The following CACNA1G variants were observed in gnomAD, a reference collection of about 807,000 sequenced individuals.
CACNA1G encodes voltage-dependent T-type calcium channel subunit alpha-1G.
A neutral mutation model predicts 219.4 loss-of-function variants in CACNA1G; 67 were observed. The observed-to-expected ratio is 0.31, with a 90% CI of 0.25 to 0.37. The LOEUF (loss-of-function observed/expected upper bound fraction) is 0.37. Among genes scored for constraint, CACNA1G ranks in the 10% least tolerant of loss-of-function variants. The pLI is 1.00. For synonymous variants in CACNA1G, 1,296 were observed against 1,345.3 expected (o/e 0.96, Z 0.80); for missense variants, 2,380 against 3,231.4 (o/e 0.74, Z 6.39).
In CACNA1G at chr17:50,623,817, G is replaced by A. The variant is rs983206159; in HGVS notation, c.6061-90G>A. 4.2e-5 allele frequency: 57 copies of A among 1,365,938 alleles called. No homozygotes were observed. In the Admixed American group the frequency reaches 9.7e-4, roughly 23 times the overall value. 84.6% of individuals were successfully genotyped at this position (1,365,938 alleles called of 1,614,324 possible). The stretch of plus-strand genomic sequence containing the variant: ...CACGGGGGTGAGGGCTGGGCGGGGG[G>A]CGCTGCTGCTTTCTGTTGTCAGCGC... On this transcript the variant is annotated intron_variant, in intron 35 of 37. Transcript: ENST00000359106.
In CACNA1G at chr17:50,600,782, C is replaced by T. The variant is rs771657096; in HGVS notation, c.3747C>T (p.Leu1249=). 5.0e-5 allele frequency: 81 copies of T among 1,613,752 alleles called. No homozygotes were observed. The Admixed American group carries it at 1.1e-3, about 23-fold the overall frequency. The change falls in exon 18 of 38, where the codon CTC becomes CTT. Residue 1249 remains leucine, a synonymous_variant. Transcript: ENST00000359106. The surrounding 1 kb of genome is among the most constrained non-coding windows in gnomAD (Gnocchi z 4.1). ...GAGCCCGACTCCCTGCCTGCTGCCT[C>T]GAGCGAGACTCCTGGTCAGCCTACA... ...WIRARLPACC[L]ERDSWSAYIF...
rs570258398 is a variant in CACNA1G, at chr17:50,617,636, C to A, written c.5155+65C>A. 6 of 1,578,786 alleles carry A rather than the reference C, an allele frequency of 3.8e-6. No homozygotes were observed. Among genetic ancestry groups the A allele is most frequent in the Non-Finnish European group, 5.2e-6 (6 of 1,157,924 alleles). ...CAGCCCAGGGAGAGAGAGCAAGGGT[C>A]GGCTTTGTGGCTGGTCAAGGCCTGG... On this transcript the variant is annotated intron_variant, in intron 29 of 37. Coordinates refer to ENST00000359106, the MANE Select transcript of CACNA1G (RefSeq NM_018896.5). This position sits in a 1 kb window ranked among gnomAD's most constrained non-coding sequence, Gnocchi z 5.8.
rs2039402029 is a variant in CACNA1G, at chr17:50,571,357, G to A, written c.587-521G>A. Among the ~76,000 whole-genome samples, 1 of 152,200 alleles carries A rather than the reference G, an allele frequency of 6.6e-6. No homozygotes were observed. Among genetic ancestry groups the A allele is most frequent in the Non-Finnish European group, 1.5e-5 (1 of 68,030 alleles). ...TGCCTCAGTTTCCCTAATGACTCTG[G>A]TGGTGATAACTTAGAAAGGTCAAGT... On this transcript the variant is annotated intron_variant, in intron 4 of 37. Transcript: ENST00000359106. This position sits in a 1 kb window ranked among gnomAD's most constrained non-coding sequence, Gnocchi z 4.3.
chr17:50,571,800 C>T lies in CACNA1G; in HGVS notation c.587-78C>T, dbSNP rs2039490467. On this transcript the variant is annotated intron_variant, in intron 4 of 37. Transcript: ENST00000359106. The surrounding 1 kb of genome is among the most constrained non-coding windows in gnomAD (Gnocchi z 4.3). ...CCTCAGAGTCCCTGGTGGGGCCCCT[C>T]CGGGAGTGCTGCCGGGCCGTGGCAG... 1 of 1,531,834 alleles carries T rather than the reference C, an allele frequency of 6.5e-7. No individual in the cohort carries two copies. Among genetic ancestry groups the T allele is most frequent in the East Asian group, 2.3e-5 (1 of 44,286 alleles). The allele number at this position is 1,531,834 out of a possible 1,614,324, so 94.9% of individuals were successfully genotyped here. A position where few individuals can be genotyped will look rare whatever the true frequency, so the allele number is the denominator to read the frequency against.
In CACNA1G at chr17:50,621,584, G is replaced by C; in HGVS notation, c.5926-76G>C. 2 of 1,510,568 alleles carry C rather than the reference G, an allele frequency of 1.3e-6. No homozygotes were observed. Among genetic ancestry groups the C allele is most frequent in the Non-Finnish European group, 1.8e-6 (2 of 1,100,668 alleles). The allele number at this position is 1,510,568 out of a possible 1,614,324, so 93.6% of individuals were successfully genotyped here. A position where few individuals can be genotyped will look rare whatever the true frequency, so the allele number is the denominator to read the frequency against. Reference sequence around the variant, plus strand: ...AAAGGGGGAAGTGGGGACTGAGAGAGAGCGCGTGTGTGCGTGTGCACGCGC... The same window carrying C: ...AAAGGGGGAAGTGGGGACTGAGAGACAGCGCGTGTGTGCGTGTGCACGCGC... On this transcript the variant is annotated intron_variant, in intron 34 of 37. Coordinates refer to ENST00000359106, the MANE Select transcript of CACNA1G (RefSeq NM_018896.5). The surrounding 1 kb of genome is among the most constrained non-coding windows in gnomAD (Gnocchi z 4.6).
chr17:50,600,775 G>A lies in CACNA1G; in HGVS notation c.3740G>A (p.Cys1247Tyr), dbSNP rs745401338. The A allele has an allele frequency of 1.9e-6, 3 of 1,613,794 alleles. No homozygotes were observed. The highest frequency in any genetic ancestry group is 2.5e-6 in the Non-Finnish European group (3 of 1,179,854). Residue 1247 changes from cysteine (C) to tyrosine (Y), a missense_variant, in exon 18 of 38, where the codon TGC (cysteine) becomes TAC (tyrosine). Coordinates refer to ENST00000359106, the MANE Select transcript of CACNA1G (RefSeq NM_018896.5). This position sits in a 1 kb window ranked among gnomAD's most constrained non-coding sequence, Gnocchi z 4.1. ...TGGATCCGAGCCCGACTCCCTGCCT[G>A]CTGCCTCGAGCGAGACTCCTGGTCA... ...RAWIRARLPA[C>Y]CLERDSWSAY... is the part of the protein sequence containing the mutation.
chr17:50,618,087 A>G lies in CACNA1G; in HGVS notation c.5266A>G (p.Ile1756Val). Reference sequence around the variant, plus strand: ...ACTTCTCTTCATGTTGTTGTTTTTCATCTTTGCAGCTCTGGGCGTGGAGCT... The same window carrying G: ...ACTTCTCTTCATGTTGTTGTTTTTCGTCTTTGCAGCTCTGGGCGTGGAGCT... ...LGLLFMLLFF[I>V]FAALGVELFG... The change falls in exon 31 of 38, where the codon ATC (isoleucine) becomes GTC (valine). Residue 1756 changes from isoleucine (I) to valine (V), a missense_variant. Physicochemically the swap from Ile to Val is conservative, Grantham distance 29. This residue lies in a region of CACNA1G where 123 missense variants were observed against 258.4 expected (regional missense o/e 0.48). Transcript: ENST00000359106. The surrounding 1 kb of genome is among the most constrained non-coding windows in gnomAD (Gnocchi z 5.3). 6 of 1,613,728 alleles carry G rather than the reference A, an allele frequency of 3.7e-6. No homozygotes were observed. Among genetic ancestry groups the G allele is most frequent in the Non-Finnish European group, 5.1e-6 (6 of 1,179,812 alleles).
chr17:50,599,287 C>A (rs894392223), intron 16 of CACNA1G, 141 bp from the exon 17 acceptor site: 8 of 770,588 alleles, frequency 1.0e-5, no homozygotes, highest in Non-Finnish European at 1.6e-5. Context: ...GGATCTGAAC[C>A]CAGGCATCAG....
At chr17:50,599,056 C>T (rs906614440) in intron 16 of CACNA1G, among the ~76,000 whole-genome samples, 18 of 152,332 alleles carry the variant, frequency 1.2e-4, no homozygotes, top group African/African-American at 4.3e-4. Flanking sequence ...AATGTCTATT[C>T]AGGCCCTTTG....
At chr17:50,575,157 C>T (rs1442544521) in intron 7 of CACNA1G, among the ~76,000 whole-genome samples, 1 of 152,210 alleles carries the variant, frequency 6.6e-6, no homozygotes, top group Non-Finnish European at 1.5e-5. Flanking sequence ...ATTCGCTACT[C>T]CTAATGGAAA....
In CACNA1G at chr17:50,595,080, GCCGGCATGCCTCCCGTGCCCCATGC is replaced by G. The variant is rs2045242035; in HGVS notation, c.2979+23_2979+47del. ...CCAGGGGGTAGGTACGCGATCATGA[GCCGGCATGCCTCCCGTGCCCCATGC>G]CCGTGCCCCTCCACTCCGCCTCCGT... is the stretch of plus-strand genomic sequence containing the variant. On this transcript the variant is annotated intron_variant, in intron 14 of 37. Coordinates refer to ENST00000359106, the MANE Select transcript of CACNA1G (RefSeq NM_018896.5). 3 of 1,546,712 alleles carry G rather than the reference GCCGGCATGCCTCCCGTGCCCCATGC, an allele frequency of 1.9e-6. No homozygotes were observed. The highest frequency in any genetic ancestry group is 2.6e-6 in the Non-Finnish European group (3 of 1,143,592).
intron 33 of CACNA1G, among the ~76,000 whole-genome samples, chr17:50,619,259 C>T (rs1433157896): frequency 6.6e-6 from 1 of 152,224 alleles, no homozygotes; most frequent in African/African-American, 2.4e-5. Flanking sequence ...GGTCTGGCCT[C>T]CCCTTCCTGA....
chr17:50,571,848 G>T lies in CACNA1G; in HGVS notation c.587-30G>T. 6.2e-7 allele frequency: 1 copy of T among 1,610,960 alleles called. No homozygotes were observed. The highest frequency in any genetic ancestry group is 1.3e-5 in the African/African-American group (1 of 75,024). On this transcript the variant is annotated intron_variant, in intron 4 of 37. Transcript: ENST00000359106. This position sits in a 1 kb window ranked among gnomAD's most constrained non-coding sequence, Gnocchi z 4.3. ...CAGTCAGCCTAGCCCGGCCAGCCTG[G>T]TGTCCCCAGCGTGGCTTCTGCCCCC...
At position 50,600,456 on chromosome 17, in the gene CACNA1G, G is replaced by A. The variant is rs545409632; in HGVS notation, c.3691-270G>A. Among the ~76,000 whole-genome samples the A allele has an allele frequency of 6.6e-6, 1 of 152,090 alleles. No homozygotes were observed. The highest frequency in any genetic ancestry group is 2.1e-4 in the South Asian group (1 of 4,808). On this transcript the variant is annotated intron_variant, in intron 17 of 37. Transcript: ENST00000359106. The surrounding 1 kb of genome is among the most constrained non-coding windows in gnomAD (Gnocchi z 4.1). ...AGGGGGCTGGGCTGGAGGCAGGGGT[G>A]GGGAGAGGGGAGAGCGGGGTTGGGG...
At chr17:50,606,707 C>A (rs2048042473) in intron 23 of CACNA1G, among the ~76,000 whole-genome samples, 193 bp from the exon 24 acceptor site, 1 of 152,174 alleles carries the variant, frequency 6.6e-6, no homozygotes, top group Admixed American at 6.5e-5. Context: ...TCTCTCAGGG[C>A]CCCTCCAGCT....
chr17:50,590,374 T>C, intron 9 of CACNA1G, 97 bp from the exon 10 acceptor site: 1 of 1,380,102 alleles, frequency 7.2e-7, no homozygotes, highest in Non-Finnish European at 1.0e-6. Context: ...AAGCTTGCTA[T>C]TCCTGCTCCT....
At position 50,578,311 on chromosome 17, in the gene CACNA1G, G is replaced by A. The variant is rs539364383; in HGVS notation, c.2048G>A (p.Arg683His). The A allele has an allele frequency of 5.4e-5, 87 of 1,613,166 alleles. 1 individual carries two copies. In the Middle Eastern group the frequency reaches 1.5e-3, roughly 28 times the overall value. ...GCAGGGGAGGTGGAGCTCGCCGACC[G>A]TGAAATGCCTGACTCAGACAGCGAG... The part of the protein sequence containing the change: ...AGAGEVELAD[R>H]EMPDSDSEAV... Residue 683 changes from arginine (R) to histidine (H), a missense_variant, in exon 9 of 38, where the codon CGT (arginine) becomes CAT (histidine). Around this residue, in one of 17 missense-constraint regions of CACNA1G, gnomAD observed 434 missense variants for 417.3 expected, o/e 1.04. Transcript: ENST00000359106. This position sits in a 1 kb window ranked among gnomAD's most constrained non-coding sequence, Gnocchi z 4.5.
Position 50,618,979 on chromosome 17 carries a change from G to A in CACNA1G, c.5752G>A (p.Ala1918Thr). 6.5e-7 allele frequency: 1 copy of A among 1,540,318 alleles called. No individual in the cohort carries two copies. The stretch of plus-strand genomic sequence containing the variant: ...GCACCCAGCGGCCCACGCGAGATCA[G>A]CCTCCCACTTTTCCCTGGAGCACCC... ...ALHPAAHARS[A>T]SHFSLEHPTD... is the part of the protein sequence containing the mutation. The change falls in exon 33 of 38, where the codon GCC (alanine) becomes ACC (threonine). Residue 1918 changes from alanine (A) to threonine (T), a missense_variant. Ala to Thr is a moderately conservative substitution (Grantham distance 58). Around this residue, in one of 17 missense-constraint regions of CACNA1G, gnomAD observed 672 missense variants for 670.5 expected, o/e 1.00. Coordinates refer to ENST00000359106, the MANE Select transcript of CACNA1G (RefSeq NM_018896.5). This position sits in a 1 kb window ranked among gnomAD's most constrained non-coding sequence, Gnocchi z 5.3.
At position 50,618,357 on chromosome 17, in the gene CACNA1G, G is replaced by A; in HGVS notation, c.5427+14G>A. On this transcript the variant is annotated intron_variant, in intron 32 of 37. Coordinates refer to ENST00000359106, the MANE Select transcript of CACNA1G (RefSeq NM_018896.5). This position sits in a 1 kb window ranked among gnomAD's most constrained non-coding sequence, Gnocchi z 5.3. ...GGCATTATGAAGGTAAGGGCCCAGGGTTGGCCTAGGCTCCAGGGAGGCAGC... is the reference window on the plus strand; with the variant it reads ...GGCATTATGAAGGTAAGGGCCCAGGATTGGCCTAGGCTCCAGGGAGGCAGC... 6.2e-7 allele frequency: 1 copy of A among 1,611,706 alleles called. No individual in the cohort carries two copies. The highest frequency in any genetic ancestry group is 8.5e-7 in the Non-Finnish European group (1 of 1,178,170).
Sources: gnomAD v4.1 joint callset for allele counts (sites outside exome capture counted in the v4.1 genomes callset) on GRCh38, gnomAD v4.1.1 for gene constraint, gnomAD v4.1.1 regional missense constraint, Gnocchi (gnomAD v3.1) non-coding constraint, MANE v1.5 for transcripts, NCBI Gene and HGNC (gene_info 2026-07-23, HGNC 2026-07-21) for gene names.